The following HPSE2 variants were observed in gnomAD, a reference collection of about 807,000 sequenced individuals.
HPSE2 encodes heparanase 2 (inactive).
Under a neutral mutation model 60.5 loss-of-function variants are expected in HPSE2, and 38 were observed. The ratio of observed to expected loss-of-function variants is 0.63; its 90% CI spans 0.48 to 0.82. HPSE2 has a LOEUF of 0.82. HPSE2 is among the 40% of genes least tolerant of loss of function. The probability of loss-of-function intolerance (pLI) is 0.00; values close to 1 mark genes in which losing one functional copy is unlikely to be tolerated. For synonymous variants in HPSE2, 295 were observed against 293.2 expected, an observed-to-expected ratio of 1.01 and a Z score of -0.06; for missense variants, 713 against 740.4, an observed-to-expected ratio of 0.96 and a Z score of 0.43.
chr10:99,213,980 A>C (rs1264296813), intron 2 of HPSE2, among the ~76,000 whole-genome samples: 2 of 152,250 alleles, frequency 1.3e-5, no homozygotes, highest in Admixed American at 6.5e-5. Flanking sequence ...TATATCTAGA[A>C]TATATGAAAA....
At chr10:99,122,589 A>G (rs1845000073) in intron 3 of HPSE2, among the ~76,000 whole-genome samples, 1 of 141,966 alleles carries the variant, frequency 7.0e-6, no homozygotes, top group Non-Finnish European at 1.6e-5. Flanking sequence ...ACTATAAAAT[A>G]TCTTAAAATA....
chr10:99,173,771 C>T (rs367733805), intron 2 of HPSE2, among the ~76,000 whole-genome samples: 9 of 151,860 alleles, frequency 5.9e-5, no homozygotes, highest in East Asian at 5.8e-4. Flanking sequence ...TGGCGAAACC[C>T]GTCTCTACTA....
intron 3 of HPSE2, among the ~76,000 whole-genome samples, chr10:98,893,027 C>G (rs957047600): frequency 6.6e-6 from 1 of 151,966 alleles, no homozygotes; most frequent in South Asian, 2.1e-4. Context: ...GTATCATTAT[C>G]AATTTCATTT....
chr10:99,037,701 T>C (rs773038979), intron 3 of HPSE2, among the ~76,000 whole-genome samples: 1 of 151,994 alleles, frequency 6.6e-6, no homozygotes, highest in Non-Finnish European at 1.5e-5. Context: ...CATCAACCAA[T>C]GATGATAATG....
intron 3 of HPSE2, among the ~76,000 whole-genome samples, chr10:98,790,981 G>A (rs1950643495): frequency 6.6e-6 from 1 of 152,170 alleles, no homozygotes; most frequent in Non-Finnish European, 1.5e-5. Flanking sequence ...TTGCAGGGGT[G>A]ATGAGGTATG....
intron 3 of HPSE2, among the ~76,000 whole-genome samples, chr10:99,032,535 A>T (rs548549438): frequency 6.6e-6 from 1 of 152,304 alleles, no homozygotes; most frequent in East Asian, 1.9e-4. Flanking sequence ...TAATTTTTTT[A>T]AAACCTATAG....
intron 2 of HPSE2, among the ~76,000 whole-genome samples, chr10:99,181,184 G>A (rs1341082492): frequency 5.3e-5 from 8 of 151,006 alleles, no homozygotes; most frequent in Non-Finnish European, 1.5e-5. Flanking sequence ...GGATCACGAG[G>A]TCAGGAGATT....
chr10:99,050,821 T>C (rs778913381), intron 3 of HPSE2, among the ~76,000 whole-genome samples: 2 of 152,190 alleles, frequency 1.3e-5, no homozygotes, highest in Non-Finnish European at 2.9e-5. Flanking sequence ...GAGAGCAGAC[T>C]GGTGGTTACC....
chr10:98,944,290 C>T (rs1227460720), intron 3 of HPSE2, among the ~76,000 whole-genome samples: 2 of 152,098 alleles, frequency 1.3e-5, no homozygotes, highest in Non-Finnish European at 2.9e-5. Context: ...CAGGAAAGAG[C>T]TCTGCTGGAC....
intron 4 of HPSE2, among the ~76,000 whole-genome samples, chr10:98,726,943 C>T (rs1949099990): frequency 6.6e-6 from 1 of 152,088 alleles, no homozygotes; most frequent in Non-Finnish European, 1.5e-5. Flanking sequence ...CCAACCAACA[C>T]AGAGATGCAC....
At chr10:99,102,039 T>A (rs935048042) in intron 3 of HPSE2, among the ~76,000 whole-genome samples, 7 of 152,140 alleles carry the variant, frequency 4.6e-5, no homozygotes. Flanking sequence ...GCAGGAAAGA[T>A]CTAAAATTGA....
intron 2 of HPSE2, among the ~76,000 whole-genome samples, chr10:99,215,805 T>C (rs1183221934): frequency 6.6e-6 from 1 of 152,124 alleles, no homozygotes; most frequent in Non-Finnish European, 1.5e-5. Context: ...CTAATGAAAA[T>C]GTTTTAAAAT....
chr10:99,081,691 C>T (rs1013428205), intron 3 of HPSE2, among the ~76,000 whole-genome samples: 1 of 151,776 alleles, frequency 6.6e-6, no homozygotes, highest in Non-Finnish European at 1.5e-5. Flanking sequence ...GGCTGGAGTG[C>T]AGTGGCGTGA....
chr10:98,751,396 T>A (rs1248369457), intron 3 of HPSE2, among the ~76,000 whole-genome samples: 1 of 152,196 alleles, frequency 6.6e-6, no homozygotes, highest in Non-Finnish European at 1.5e-5. Context: ...ATAGAAAACA[T>A]AGTTAATTTG....
the HPSE2 span, among the ~76,000 whole-genome samples, chr10:99,311,515 T>C: frequency 1.3e-5 from 2 of 152,186 alleles, no homozygotes; most frequent in African/African-American, 2.4e-5. Context: ...TTGTAGTTGT[T>C]TAGGGGTGCC....
At chr10:98,664,999 GGAAACTCATT>G (rs1166572234) in intron 6 of HPSE2, among the ~76,000 whole-genome samples, 1 of 152,120 alleles carries the variant, frequency 6.6e-6, no homozygotes, top group East Asian at 1.9e-4. Flanking sequence ...TTGATGGCAA[GGAAACTCATT>G]GAGATCCAGG....
rs142001388 is a variant in HPSE2, at chr10:98,915,046, A to G, written c.611-170990T>C. On this transcript the variant is annotated intron_variant, in intron 3 of 11. Coordinates refer to ENST00000370552, the MANE Select transcript of HPSE2 (RefSeq NM_021828.5). ...TGGAAGGAAATATGCCAAATCATTG[A>G]CTGCTTTTGTCTTTGATGATATAAT... Among the ~76,000 whole-genome samples the G allele has an allele frequency of 4.3e-3, 648 of 151,868 alleles. 5 individuals carry two copies. Among genetic ancestry groups the G allele is most frequent in the Non-Finnish European group, 6.1e-3 (417 of 67,940 alleles).
intron 9 of HPSE2, among the ~76,000 whole-genome samples, chr10:98,492,112 T>C (rs1055775407): frequency 3.3e-5 from 5 of 152,196 alleles, no homozygotes; most frequent in Non-Finnish European, 7.3e-5. Context: ...AAACAGGCTT[T>C]CTCTCAAACT....
chr10:99,233,154 C>A (rs1027853248), intron 1 of HPSE2, among the ~76,000 whole-genome samples: 20 of 152,188 alleles, frequency 1.3e-4, no homozygotes, highest in African/African-American at 4.3e-4. Flanking sequence ...ACGGAGAGAT[C>A]CCCAGGGTAA....
Sources: gnomAD v4.1 joint callset for allele counts (sites outside exome capture counted in the v4.1 genomes callset) on GRCh38, gnomAD v4.1.1 for gene constraint, MANE v1.5 for transcripts, NCBI Gene and HGNC (gene_info 2026-07-23, HGNC 2026-07-21) for gene names.